The following LRRC52 variants were observed in gnomAD, a reference collection of about 807,000 sequenced individuals.
LRRC52 encodes leucine-rich repeat-containing protein 52.
LRRC52 carries 15 observed loss-of-function variants against 14.7 expected under a neutral mutation model. That is an observed-to-expected ratio of 1.02 (90% CI 0.68 to 1.58). LRRC52 has a LOEUF of 1.58. Among genes scored for constraint, LRRC52 ranks in the 40% most tolerant of loss-of-function variants. The pLI is 0.00. For missense variants in LRRC52, 400 were observed against 387.7 expected, an observed-to-expected ratio of 1.03 and a Z score of -0.27; for synonymous variants, 180 against 163.9, an observed-to-expected ratio of 1.10 and a Z score of -0.75.
At chr1:165,548,181 A>G (rs1661060973) in intron 1 of LRRC52, among the ~76,000 whole-genome samples, 1 of 152,208 alleles carries the variant, frequency 6.6e-6, no homozygotes, top group South Asian at 2.1e-4. Flanking sequence ...TTTTAGGCCC[A>G]AGGAAATACT....
Position 165,544,300 on chromosome 1 carries a change from TC to T in LRRC52, c.7del (p.Ala4LeufsTer34). 6.2e-7 allele frequency: 1 copy of T among 1,612,810 alleles called. No homozygotes were observed. Among genetic ancestry groups the T allele is most frequent in the South Asian group, 1.1e-5 (1 of 90,976 alleles). On this transcript the variant is annotated frameshift_variant, in exon 1 of 2. Coordinates refer to ENST00000294818, the MANE Select transcript of LRRC52 (RefSeq NM_001005214.4). LOFTEE classifies it high-confidence loss of function. ...AGGGTGGTTGTGGCTTCTTACTATG[TC>T]CCTTGCTTCAGGCCCTGGCCCTGGG... is the stretch of plus-strand genomic sequence containing the variant. M[S>X]LASGPGPGWL...
chr1:165,562,212 T>A (rs972351651), intron 1 of LRRC52, among the ~76,000 whole-genome samples: 3 of 152,216 alleles, frequency 2.0e-5, no homozygotes, highest in Non-Finnish European at 4.4e-5. Context: ...TCCTTATTTG[T>A]AAGACAAGGA....
chr1:165,550,086 A>G, intron 1 of LRRC52, among the ~76,000 whole-genome samples: 1 of 152,362 alleles, frequency 6.6e-6, no homozygotes, highest in South Asian at 2.1e-4. Flanking sequence ...TTTCTGGCCC[A>G]GGTTAGCAAG....
At chr1:165,545,382 T>C (rs1262165436) in intron 1 of LRRC52, among the ~76,000 whole-genome samples, 2 of 152,148 alleles carry the variant, frequency 1.3e-5, no homozygotes, top group African/African-American at 4.8e-5. Flanking sequence ...AAAAGTAAAT[T>C]CAGTCATTCA....
Position 165,544,201 on chromosome 1 carries a change from G to GC in LRRC52, c.-96_-95insC. On this transcript the variant is annotated 5_prime_UTR_variant, in exon 1 of 2. Transcript: ENST00000294818. ...AGCTAAAGTGTTACAGTTCTTTCCA[G>GC]AGCCCCTCCCCCGCCCCACCCCCCC... is the stretch of plus-strand genomic sequence containing the variant. 1 of 1,236,462 alleles carries GC rather than the reference G, an allele frequency of 8.1e-7. No homozygotes were observed. Among genetic ancestry groups the GC allele is most frequent in the Non-Finnish European group, 1.1e-6 (1 of 892,786 alleles). 76.6% of individuals were successfully genotyped at this position (1,236,462 alleles called of 1,614,324 possible). A position where few individuals can be genotyped will look rare whatever the true frequency, so the allele number is the denominator to read the frequency against.
Position 165,544,208 on chromosome 1 carries a change from T to TAC in LRRC52, c.-89_-88insAC. ...GTGTTACAGTTCTTTCCAGAGCCCC[T>TAC]CCCCCGCCCCACCCCCCCACCGGCA... On this transcript the variant is annotated 5_prime_UTR_variant, in exon 1 of 2. Coordinates refer to ENST00000294818, the MANE Select transcript of LRRC52 (RefSeq NM_001005214.4). The TAC allele has an allele frequency of 2.2e-6, 1 of 448,098 alleles. No individual in the cohort carries two copies. Among genetic ancestry groups the TAC allele is most frequent in the Non-Finnish European group, 4.2e-6 (1 of 235,722 alleles). The allele number at this position is 448,098 out of a possible 1,614,324, so 27.8% of individuals were successfully genotyped here.
At chr1:165,557,080 G>A (rs1174353235) in intron 1 of LRRC52, among the ~76,000 whole-genome samples, 1 of 152,160 alleles carries the variant, frequency 6.6e-6, no homozygotes, top group Non-Finnish European at 1.5e-5. Flanking sequence ...GGATACAAGA[G>A]TACAGAAAAA....
At chr1:165,551,155 A>T (rs74120755) in intron 1 of LRRC52, among the ~76,000 whole-genome samples, 25,305 of 151,984 alleles carry the variant, frequency 0.17, 2,779 homozygotes, top group African/African-American at 0.3. Flanking sequence ...GTACTCTCCC[A>T]CCTCCTATAT....
intron 1 of LRRC52, among the ~76,000 whole-genome samples, chr1:165,562,875 G>A (rs1353752226): frequency 6.6e-6 from 1 of 151,770 alleles, no homozygotes; most frequent in Non-Finnish European, 1.5e-5. Flanking sequence ...TTTACCCTGG[G>A]CTCCCCTGAC....
chr1:165,544,903 C>A lies in LRRC52; in HGVS notation c.607C>A (p.His203Asn). 6.2e-7 allele frequency: 1 copy of A among 1,613,944 alleles called. No homozygotes were observed. Among genetic ancestry groups the A allele is most frequent in the Non-Finnish European group, 8.5e-7 (1 of 1,179,914 alleles). ...LDFAIFLIVFHMDPSDDLNAT... is the reference protein window; with the variant it reads ...LDFAIFLIVFNMDPSDDLNAT... ...CTTCGCCATCTTCTTAATAGTGTTC[C>A]ATATGGACCCCTCAGGTGAGGGCTT... The change falls in exon 1 of 2, where the codon CAT (histidine) becomes AAT (asparagine). Residue 203 changes from histidine (H) to asparagine (N), a missense_variant. By Grantham distance (68) the His-to-Asn change is moderately conservative. Coordinates refer to ENST00000294818, the MANE Select transcript of LRRC52 (RefSeq NM_001005214.4).
chr1:165,563,112 T>A (rs1661383990), intron 1 of LRRC52, among the ~76,000 whole-genome samples: 1 of 152,056 alleles, frequency 6.6e-6, no homozygotes, highest in African/African-American at 2.4e-5. Flanking sequence ...AACAGAGAGA[T>A]GTCAACACTC....
intron 1 of LRRC52, among the ~76,000 whole-genome samples, chr1:165,561,839 T>C (rs1464910440): frequency 1.3e-5 from 2 of 152,372 alleles, no homozygotes; most frequent in East Asian, 3.9e-4. Flanking sequence ...AAGAGGCAAG[T>C]ATTGGTGTCC....
chr1:165,552,952 AG>A (rs1661163680), intron 1 of LRRC52, among the ~76,000 whole-genome samples: 1 of 152,232 alleles, frequency 6.6e-6, no homozygotes, highest in Admixed American at 6.5e-5. Flanking sequence ...GCAGTGAGGA[AG>A]TCAGGCTAGA....
chr1:165,563,637 G>C lies in LRRC52; in HGVS notation c.755G>C (p.Gly252Ala). The C allele has an allele frequency of 6.2e-7, 1 of 1,614,202 alleles. No homozygotes were observed. The highest frequency in any genetic ancestry group is 8.5e-7 in the Non-Finnish European group (1 of 1,180,030). ...GACTACATCTTCCTGCTGCTCATCG[G>C]CTTCTGCATCTTCGCCGCGGGAACT... is the stretch of plus-strand genomic sequence containing the variant. ...HKDYIFLLLI[G>A]FCIFAAGTVA... Residue 252 changes from glycine (G) to alanine (A), a missense_variant, in exon 2 of 2, where the codon GGC becomes GCC. By Grantham distance (60) the Gly-to-Ala change is moderately conservative. Transcript: ENST00000294818.
intron 1 of LRRC52, among the ~76,000 whole-genome samples, chr1:165,550,354 A>C (rs1359319444): frequency 6.6e-6 from 1 of 152,196 alleles, no homozygotes; most frequent in Non-Finnish European, 1.5e-5. Flanking sequence ...CAACAGGGTA[A>C]ATAGTCTATA....
Position 165,563,495 on chromosome 1 carries a change from T to C in LRRC52, c.623-10T>C. 3 of 1,604,742 alleles carry C rather than the reference T, an allele frequency of 1.9e-6. No individual in the cohort carries two copies. Among genetic ancestry groups the C allele is most frequent in the South Asian group, 1.1e-5 (1 of 89,546 alleles). ...TTTCAGCACCCTGCCTGCTGTGTTT[T>C]TCTTCTTAGATGATCTAAATGCCAC... On this transcript the variant is annotated splice_polypyrimidine_tract_variant and intron_variant, in intron 1 of 1. Coordinates refer to ENST00000294818, the MANE Select transcript of LRRC52 (RefSeq NM_001005214.4).
chr1:165,546,427 G>T (rs1272550808), intron 1 of LRRC52, among the ~76,000 whole-genome samples: 1 of 152,170 alleles, frequency 6.6e-6, no homozygotes, highest in Non-Finnish European at 1.5e-5. Flanking sequence ...AACTCTAGGA[G>T]GCAGAGATAA....
intron 1 of LRRC52, among the ~76,000 whole-genome samples, chr1:165,560,820 A>G (rs971041819): frequency 6.6e-6 from 1 of 152,152 alleles, no homozygotes; most frequent in Admixed American, 6.5e-5. Flanking sequence ...AGCAAAGGTT[A>G]CCAGCAGTGC....
intron 1 of LRRC52, among the ~76,000 whole-genome samples, chr1:165,556,491 T>G (rs958330965): frequency 4.6e-5 from 7 of 151,974 alleles, no homozygotes; most frequent in Non-Finnish European, 8.8e-5. Context: ...AGACCAGGAG[T>G]CAGCACACAC....
Sources: allele counts gnomAD v4.1 joint callset (sites outside exome capture counted in the v4.1 genomes callset), GRCh38; gene constraint gnomAD v4.1.1; transcripts MANE v1.5; gene names NCBI Gene and HGNC (gene_info 2026-07-23, HGNC 2026-07-21).